The following FAM117A variants were observed in gnomAD, a reference collection of about 807,000 sequenced individuals.
The protein encoded by FAM117A is family with sequence similarity 117 member A.
Under a neutral mutation model 44.1 loss-of-function variants are expected in FAM117A, and 21 were observed. The ratio of observed to expected loss-of-function variants is 0.48; its 90% CI spans 0.34 to 0.69. The LOEUF is 0.69. FAM117A is among the 30% of genes least tolerant of loss of function. FAM117A has a pLI of 0.01. For missense variants in FAM117A, 498 were observed against 589.9 expected (o/e 0.84, Z 1.61); for synonymous variants, 220 against 238.3 (o/e 0.92, Z 0.71).
At chr17:49,746,852 A>C (rs1006865904) in intron 1 of FAM117A, among the ~76,000 whole-genome samples, 2 of 152,240 alleles carry the variant, frequency 1.3e-5, no homozygotes, top group African/African-American at 4.8e-5. Flanking sequence ...CATGAAGGAC[A>C]GTAAAAAGGC....
chr17:49,756,523 G>A (rs148397346), intron 1 of FAM117A, among the ~76,000 whole-genome samples: 5 of 150,882 alleles, frequency 3.3e-5, no homozygotes, highest in South Asian at 2.1e-4. Flanking sequence ...GAGGCACCCC[G>A]TGGATGGCTT....
rs142265891 is a variant in FAM117A, at chr17:49,750,277, G to GAC, written c.196+13613_196+13614dup. ...CACGCAAGACAGATACTCACATGCA[G>GAC]ACACACACACACACACTTTCCTTCA... On this transcript the variant is annotated intron_variant, in intron 1 of 7. Transcript: ENST00000240364. 1.2e-4 allele frequency among the ~76,000 whole-genome samples: 18 copies of GAC among 148,144 alleles called. 2 individuals carry two copies. Among genetic ancestry groups the GAC allele is most frequent in the South Asian group, 6.3e-4 (3 of 4,730 alleles).
intron 1 of FAM117A, among the ~76,000 whole-genome samples, chr17:49,774,992 TCTA>T: frequency 6.6e-6 from 1 of 152,206 alleles, no homozygotes; most frequent in South Asian, 2.1e-4. Flanking sequence ...TTACTGTAAA[TCTA>T]CTTCTCACCC....
chr17:49,743,430 C>CAAAAAAAAG (rs921056143), intron 1 of FAM117A, among the ~76,000 whole-genome samples: 7 of 150,844 alleles, frequency 4.6e-5, no homozygotes, highest in African/African-American at 1.7e-4. Flanking sequence ...ACTCCACCTC[C>CAAAAAAAAG]AAAAAAAAGA....
chr17:49,780,467 G>A (rs1259261568), intron 1 of FAM117A, among the ~76,000 whole-genome samples: 5 of 152,074 alleles, frequency 3.3e-5, no homozygotes, highest in Admixed American at 6.6e-5. Flanking sequence ...TGAAACCGCC[G>A]CCTCCTGGGC....
At chr17:49,774,249 A>G (rs2073769589) in intron 1 of FAM117A, among the ~76,000 whole-genome samples, 1 of 152,130 alleles carries the variant, frequency 6.6e-6, no homozygotes, top group Non-Finnish European at 1.5e-5. Context: ...AGGCTCAAGC[A>G]ATCCTCCTCC....
chr17:49,711,273 C>A lies in FAM117A; in HGVS notation c.1344G>T (p.Gln448His). 6.2e-7 allele frequency: 1 copy of A among 1,605,852 alleles called. No individual in the cohort carries two copies. Among genetic ancestry groups the A allele is most frequent in the Non-Finnish European group, 8.5e-7 (1 of 1,175,098 alleles). Residue 448 changes from glutamine to histidine, a missense_variant, in exon 8 of 8, where the codon CAG becomes CAT. By Grantham distance (24) the Gln-to-His change is conservative. Around this residue, in one of 3 missense-constraint regions of FAM117A, gnomAD observed 224 missense variants for 296.5 expected, o/e 0.76. Coordinates refer to ENST00000240364, the MANE Select transcript of FAM117A (RefSeq NM_030802.4). ...TPPSEEPVLF[Q>H]SSLMV ...GGGACCCTCAGACCATCAGGGAGCT[C>A]TGGAAAAGCACAGGCTCTTCTGATG...
chr17:49,751,389 G>A (rs1027852431), intron 1 of FAM117A, among the ~76,000 whole-genome samples: 1 of 151,744 alleles, frequency 6.6e-6, no homozygotes, highest in Non-Finnish European at 1.5e-5. Flanking sequence ...GACCATCCTG[G>A]TCAACATGGT....
At position 49,758,638 on chromosome 17, in the gene FAM117A, AAAATAAAT is replaced by A. The variant is rs201340759; in HGVS notation, c.196+5246_196+5253del. On this transcript the variant is annotated intron_variant, in intron 1 of 7. Transcript: ENST00000240364. ...GACTGTCTCAAAAAAAAAAAAAAAT[AAAATAAAT>A]AAATAAATAAATAAATAAATAAATA... 2.2e-3 allele frequency among the ~76,000 whole-genome samples: 291 copies of A among 135,176 alleles called. 1 individual carries two copies. Among genetic ancestry groups the A allele is most frequent in the African/African-American group, 6.2e-3 (215 of 34,582 alleles). The allele number at this position is 135,176 out of a possible 152,430, so 88.7% of individuals were successfully genotyped here.
At chr17:49,718,257 T>C (rs1190338277) in intron 5 of FAM117A, among the ~76,000 whole-genome samples, 2 of 152,252 alleles carry the variant, frequency 1.3e-5, no homozygotes, top group African/African-American at 4.8e-5. Context: ...AAATCCTGCA[T>C]ACATGCAAAT....
chr17:49,710,632 C>T lies in FAM117A; in HGVS notation c.*623G>A, dbSNP rs1226087942. On this transcript the variant is annotated 3_prime_UTR_variant, in exon 8 of 8. Coordinates refer to ENST00000240364, the MANE Select transcript of FAM117A (RefSeq NM_030802.4). ...GAATGCCAGCTCTCCTCCCCACTAC[C>T]CACCTGGGGCTGGGCGGGCTGGGCT... is the stretch of plus-strand genomic sequence containing the variant. The T allele has an allele frequency of 6.5e-6, 1 of 152,838 alleles. No homozygotes were observed. The highest frequency in any genetic ancestry group is 1.5e-5 in the Non-Finnish European group (1 of 68,192). The allele number at this position is 152,838 out of a possible 1,614,324, so 9.5% of individuals were successfully genotyped here.
intron 1 of FAM117A, among the ~76,000 whole-genome samples, chr17:49,754,772 C>T (rs2073691588): frequency 6.6e-6 from 1 of 152,028 alleles, no homozygotes; most frequent in Non-Finnish European, 1.5e-5. Flanking sequence ...GGTGCAGTGG[C>T]TCACACCTGT....
In FAM117A at chr17:49,752,488, A is replaced by T. The variant is rs1461700226; in HGVS notation, c.196+11404T>A. The stretch of plus-strand genomic sequence containing the variant: ...CCTGCCATAGGAACGCATCACCCAC[A>T]TGTATTCCCAGGTGCTTTTCTGGGT... On this transcript the variant is annotated intron_variant, in intron 1 of 7. Coordinates refer to ENST00000240364, the MANE Select transcript of FAM117A (RefSeq NM_030802.4). Among the ~76,000 whole-genome samples, 9 of 152,314 alleles carry T rather than the reference A, an allele frequency of 5.9e-5. No homozygotes were observed. The South Asian group carries it at 1.4e-3, about 25-fold the overall frequency.
At chr17:49,771,538 G>A (rs1167449993) in intron 1 of FAM117A, among the ~76,000 whole-genome samples, 1 of 152,000 alleles carries the variant, frequency 6.6e-6, no homozygotes, top group Non-Finnish European at 1.5e-5. Context: ...CCTAAGGAGA[G>A]CAGGTATGTC....
chr17:49,732,768 G>A (rs746819133), intron 1 of FAM117A, 48 bp from the exon 2 acceptor site: 55 of 1,581,248 alleles, frequency 3.5e-5, no homozygotes, highest in Non-Finnish European at 4.6e-5. Flanking sequence ...ATGGAGGAAG[G>A]AGACGTGGCA....
intron 1 of FAM117A, among the ~76,000 whole-genome samples, chr17:49,753,231 G>A (rs2073684328): frequency 1.3e-5 from 2 of 152,150 alleles, no homozygotes; most frequent in African/African-American, 4.8e-5. Flanking sequence ...AAACATAGAA[G>A]AAACAAATGC....
rs544715642 is a variant in FAM117A at position 49,712,236 on chromosome 17, A to G, written c.1062-681T>C. On this transcript the variant is annotated intron_variant, in intron 7 of 7. Transcript: ENST00000240364. ...AAGCAGAGATCAAAGCCAAGTGACT[A>G]AAGTGGGGTTTCTCAGCCTTGGCAC... 2.6e-5 allele frequency among the ~76,000 whole-genome samples: 4 copies of G among 152,330 alleles called. No homozygotes were observed. The South Asian group carries it at 6.2e-4, about 24-fold the overall frequency.
chr17:49,732,109 A>G lies in FAM117A; in HGVS notation c.366+442T>C, dbSNP rs574329056. ...CCTAAATCTCATTTTTTAAAAAGCTAGAATAAACTCTAAAGTCAGCTGTTG... is the reference window on the plus strand; with the variant it reads ...CCTAAATCTCATTTTTTAAAAAGCTGGAATAAACTCTAAAGTCAGCTGTTG... On this transcript the variant is annotated intron_variant, in intron 2 of 7. Coordinates refer to ENST00000240364, the MANE Select transcript of FAM117A (RefSeq NM_030802.4). Among the ~76,000 whole-genome samples, 10 of 152,336 alleles carry G rather than the reference A, an allele frequency of 6.6e-5. No individual in the cohort carries two copies. The South Asian group carries it at 1.9e-3, about 28-fold the overall frequency.
chr17:49,753,284 C>G (rs1332943508), intron 1 of FAM117A, among the ~76,000 whole-genome samples: 1 of 152,196 alleles, frequency 6.6e-6, no homozygotes, highest in East Asian at 1.9e-4. Flanking sequence ...CAGCCTGAGA[C>G]AAAATTCACA....
Sources: allele counts gnomAD v4.1 joint callset (sites outside exome capture counted in the v4.1 genomes callset), GRCh38; gene constraint gnomAD v4.1.1; regional missense constraint gnomAD v4.1.1; transcripts MANE v1.5; gene names NCBI Gene and HGNC (gene_info 2026-07-23, HGNC 2026-07-21).